The following SCARB2 variants were observed in gnomAD, a reference collection of about 807,000 sequenced individuals.
SCARB2 encodes scavenger receptor class B member 2, also known as lysosome membrane protein 2.
Under a neutral mutation model 58.6 loss-of-function variants are expected in SCARB2, and 29 were observed. The ratio of observed to expected loss-of-function variants is 0.49; its 90% CI spans 0.37 to 0.67. The LOEUF is 0.67. Ranked by LOEUF, SCARB2 falls within the 30% of genes least tolerant of loss-of-function variation. The pLI, the probability that SCARB2 is intolerant of heterozygous loss-of-function variation, is 0.00. For synonymous variants in SCARB2, 195 were observed against 210.1 expected (o/e 0.93, Z 0.62); for missense variants, 488 against 578.5 (o/e 0.84, Z 1.60).
intron 1 of SCARB2, among the ~76,000 whole-genome samples, chr4:76,221,995 C>G (rs1436607842): frequency 6.6e-6 from 1 of 152,230 alleles, no homozygotes; most frequent in East Asian, 1.9e-4. Flanking sequence ...CAATAGGTGA[C>G]TACCATGAAG....
At chr4:76,166,010 G>A (rs1429985127) in intron 10 of SCARB2, 5 of 593,920 alleles carry the variant, frequency 8.4e-6, no homozygotes, top group Non-Finnish European at 1.5e-5. Context: ...CTCCCCAGAA[G>A]GGAGTTTTGC....
At chr4:76,180,845 T>C (rs886465299) in intron 3 of SCARB2, 109 bp downstream of exon 3, 9 of 861,678 alleles carry the variant, frequency 1.0e-5, no homozygotes, top group Non-Finnish European at 1.2e-5. Flanking sequence ...TATATATGTA[T>C]ATTTCAACAT....
rs180948007 is a variant in SCARB2, at chr4:76,176,413, C to G, written c.704+24G>C. The G allele has an allele frequency of 2.6e-4, 396 of 1,515,452 alleles. 1 individual carries two copies. The highest frequency in any genetic ancestry group is 1.0e-3 in the Middle Eastern group (6 of 5,868). The allele number at this position is 1,515,452 out of a possible 1,614,324, so 93.9% of individuals were successfully genotyped here. On this transcript the variant is annotated intron_variant, in intron 5 of 11. Coordinates refer to ENST00000264896, the MANE Select transcript of SCARB2 (RefSeq NM_005506.4). Reference sequence around the variant, plus strand: ...TTAAATGAAAACTGAAAAAATAATTCCACTGATAAATCATTTGACTTACGT... The same window carrying G: ...TTAAATGAAAACTGAAAAAATAATTGCACTGATAAATCATTTGACTTACGT...
intron 1 of SCARB2, among the ~76,000 whole-genome samples, chr4:76,221,288 C>T (rs536489291): frequency 6.6e-6 from 1 of 152,214 alleles, no homozygotes; most frequent in African/African-American, 2.4e-5. Context: ...TTTTTCTTTT[C>T]CCCACTAAAG....
intron 2 of SCARB2, among the ~76,000 whole-genome samples, chr4:76,189,451 C>T (rs1254158646): frequency 2.7e-5 from 4 of 148,728 alleles, no homozygotes; most frequent in Non-Finnish European, 5.9e-5. Context: ...GGAGAAGTGC[C>T]CAGCAAAAGG....
intron 9 of SCARB2, chr4:76,166,707 T>C (rs1382330981): frequency 2.2e-5 from 6 of 272,982 alleles, no homozygotes; most frequent in African/African-American, 1.3e-4. Context: ...TTTTGGGATA[T>C]TATCTCATTC....
At chr4:76,224,325 A>T (rs905466643) in intron 1 of SCARB2, among the ~76,000 whole-genome samples, 1 of 152,134 alleles carries the variant, frequency 6.6e-6, no homozygotes, top group Non-Finnish European at 1.5e-5. Context: ...TTATGACAGG[A>T]GGTAGTTTTG....
In SCARB2 at chr4:76,195,842, G is replaced by A. The variant is rs1732700794; in HGVS notation, c.140C>T (p.Thr47Ile). 3 of 1,611,548 alleles carry A rather than the reference G, an allele frequency of 1.9e-6. No individual in the cohort carries two copies. Among genetic ancestry groups the A allele is most frequent in the Non-Finnish European group, 1.7e-6 (2 of 1,179,192 alleles). ...CTTCTCCCAGGAGTCAAATGCCTCA[G>A]TACCATTCCTTAACACAATTTTCTA... ...IEKKIVLRNG[T>I]EAFDSWEKPP... Residue 47 changes from threonine to isoleucine, a missense_variant, in exon 2 of 12, where the codon ACT (threonine) becomes ATT (isoleucine). Coordinates refer to ENST00000264896, the MANE Select transcript of SCARB2 (RefSeq NM_005506.4).
chr4:76,193,354 G>A (rs1732644181), intron 2 of SCARB2: 1 of 152,326 alleles, frequency 6.6e-6, no homozygotes, highest in African/African-American at 2.4e-5. Context: ...GGGCAGTGAG[G>A]AGGGGAAATG....
chr4:76,165,575 A>AT (rs1731990076), intron 10 of SCARB2: 1 of 152,214 alleles, frequency 6.6e-6, no homozygotes, highest in African/African-American at 2.4e-5. Context: ...TGTACAACAC[A>AT]TTGAGTAAAA....
At chr4:76,162,979 G>GGATA in intron 11 of SCARB2, 1 of 606,844 alleles carries the variant, frequency 1.6e-6, no homozygotes, top group Non-Finnish European at 2.9e-6. Flanking sequence ...AACTCCCAGG[G>GGATA]GATACATCCA....
chr4:76,180,685 C>T (rs2109948361), intron 3 of SCARB2: 2 of 217,122 alleles, frequency 9.2e-6, no homozygotes, highest in South Asian at 1.6e-4. Flanking sequence ...TTTATTTGCA[C>T]AATTGCTAAT....
At chr4:76,165,977 G>A (rs1427476594) in intron 10 of SCARB2, 2 of 550,294 alleles carry the variant, frequency 3.6e-6, no homozygotes, top group African/African-American at 1.9e-5. Flanking sequence ...CCTTTTACCT[G>A]TTTCTGTTTC....
intron 1 of SCARB2, among the ~76,000 whole-genome samples, chr4:76,206,444 C>A (rs1244090347): frequency 6.6e-6 from 1 of 151,960 alleles, no homozygotes; most frequent in South Asian, 2.1e-4. Context: ...TGGACCAATA[C>A]GTGAAGTTTC....
At chr4:76,207,906 C>A (rs1006993289) in intron 1 of SCARB2, among the ~76,000 whole-genome samples, 3 of 152,178 alleles carry the variant, frequency 2.0e-5, no homozygotes, top group African/African-American at 7.2e-5. Flanking sequence ...TGTAAACTTG[C>A]AGATTAATAG....
chr4:76,199,032 GCCACGCCAGCT>G (rs1732776241), intron 1 of SCARB2, among the ~76,000 whole-genome samples: 1 of 152,090 alleles, frequency 6.6e-6, no homozygotes, highest in Non-Finnish European at 1.5e-5. Flanking sequence ...TACCATTACT[GCCACGCCAGCT>G]GCAATCTACT....
intron 1 of SCARB2, among the ~76,000 whole-genome samples, chr4:76,197,596 A>T (rs1306919185): frequency 6.6e-6 from 1 of 152,234 alleles, no homozygotes; most frequent in Non-Finnish European, 1.5e-5. Context: ...TAGAGGCCTG[A>T]TAAATACAGC....
At chr4:76,200,347 T>A (rs1732804556) in intron 1 of SCARB2, among the ~76,000 whole-genome samples, 1 of 152,244 alleles carries the variant, frequency 6.6e-6, no homozygotes, top group African/African-American at 2.4e-5. Context: ...TTATTAGTTT[T>A]AACCAAGACG....
At chr4:76,181,215 T>TTA in intron 2 of SCARB2, 114 bp from the exon 3 acceptor site, 1 of 1,067,824 alleles carries the variant, frequency 9.4e-7, no homozygotes, top group South Asian at 1.4e-5. Context: ...CAATATAACA[T>TTA]TATATAGAGA....
Sources: gnomAD v4.1 joint callset for allele counts (sites outside exome capture counted in the v4.1 genomes callset) on GRCh38, gnomAD v4.1.1 for gene constraint, MANE v1.5 for transcripts, NCBI Gene and HGNC (gene_info 2026-07-23, HGNC 2026-07-21) for gene names.